The following CDNF variants were observed in gnomAD, a reference collection of about 807,000 sequenced individuals.
CDNF encodes the protein ARMET-like protein 1.
Under a neutral mutation model 14.8 loss-of-function variants are expected in CDNF, and 9 were observed. The observed-to-expected ratio is 0.61, with a 90% CI of 0.37 to 1.06. The LOEUF is 1.06. CDNF is among the 50% of genes least tolerant of loss of function. The pLI is 0.01. For missense variants in CDNF, 228 were observed against 228.4 expected (o/e 1.00, Z 0.01); for synonymous variants, 86 against 87.2 (o/e 0.99, Z 0.07).
In CDNF at chr10:14,824,593, G is replaced by A. The variant is rs542981057; in HGVS notation, c.385+886C>T. Among the ~76,000 whole-genome samples, 880 of 136,822 alleles carry A rather than the reference G, an allele frequency of 6.4e-3. 6 individuals carry two copies. The highest frequency in any genetic ancestry group is 0.016 in the Admixed American group (207 of 13,130). 89.8% of individuals were successfully genotyped at this position (136,822 alleles called of 152,430 possible). ...TGCACTCCAGCCTGGGTGATAGAGC[G>A]AGACTTCCCCTCAAAAAAAAAAAAA... On this transcript the variant is annotated intron_variant, in intron 3 of 3. Transcript: ENST00000465530.
At chr10:14,836,703 G>A (rs1011978535) in intron 1 of CDNF, among the ~76,000 whole-genome samples, 57 of 152,286 alleles carry the variant, frequency 3.7e-4, no homozygotes, top group African/African-American at 1.2e-3. Context: ...AGGCTGAGGC[G>A]GGCCGATCAC....
intron 1 of CDNF, among the ~76,000 whole-genome samples, chr10:14,828,936 G>A (rs1203446765): frequency 4.0e-5 from 6 of 151,820 alleles, no homozygotes. Context: ...GAGGTGGGAG[G>A]GTCACTTAAG....
intron 1 of CDNF, among the ~76,000 whole-genome samples, chr10:14,832,122 G>A (rs774608496): frequency 6.6e-6 from 1 of 152,204 alleles, no homozygotes; most frequent in Non-Finnish European, 1.5e-5. Context: ...CAAGGTAATA[G>A]TACGATTCTT....
chr10:14,819,932 G>A lies in CDNF; in HGVS notation c.*48C>T. 3 of 1,555,252 alleles carry A rather than the reference G, an allele frequency of 1.9e-6. No individual in the cohort carries two copies. Among genetic ancestry groups the A allele is most frequent in the Non-Finnish European group, 2.6e-6 (3 of 1,138,790 alleles). ...AATCAACATGTCCATATCCTAGAGA[G>A]TCACTTTTCTCTCTAATTACAAGTC... is the stretch of plus-strand genomic sequence containing the variant. On this transcript the variant is annotated 3_prime_UTR_variant, in exon 4 of 4. Coordinates refer to ENST00000465530, the MANE Select transcript of CDNF (RefSeq NM_001029954.3).
In CDNF at chr10:14,826,044, A is replaced by G. The variant is rs1190165244; in HGVS notation, c.244-424T>C. Among the ~76,000 whole-genome samples the G allele has an allele frequency of 3.6e-3, 408 of 111,788 alleles. 2 individuals are homozygous for G. The highest frequency in any genetic ancestry group is 0.024 in the South Asian group (67 of 2,772). 73.3% of individuals were successfully genotyped at this position (111,788 alleles called of 152,430 possible). On this transcript the variant is annotated intron_variant, in intron 2 of 3. Transcript: ENST00000465530. Reference sequence around the variant, plus strand: ...GAAGAAGAAGGAGAAGAAGAAGAAGAAGAAGAAGAAGAAGAAGAAGAAGAA... The same window carrying G: ...GAAGAAGAAGGAGAAGAAGAAGAAGGAGAAGAAGAAGAAGAAGAAGAAGAA...
chr10:14,828,507 C>CATG (rs1833818063), intron 1 of CDNF, among the ~76,000 whole-genome samples: 2 of 152,046 alleles, frequency 1.3e-5, no homozygotes, highest in South Asian at 4.2e-4. Context: ...ATTAGCCAGG[C>CATG]ATGGTGGCGC....
intron 1 of CDNF, among the ~76,000 whole-genome samples, chr10:14,830,618 A>T (rs1163556723): frequency 6.6e-6 from 1 of 152,070 alleles, no homozygotes; most frequent in East Asian, 1.9e-4. Context: ...GGCCAAGGTG[A>T]GTGGATCACC....
chr10:14,826,122 CAGAAGCAGGAGA>C (rs1256304023), intron 2 of CDNF, among the ~76,000 whole-genome samples: 1 of 123,530 alleles, frequency 8.1e-6, no homozygotes, highest in Non-Finnish European at 1.6e-5. Flanking sequence ...GCAGCAGCAG[CAGAAGCAGGAGA>C]AGGAGAAGGA....
rs1263800237 is a variant in CDNF, at chr10:14,826,182, A to C, written c.244-562T>G. 2.0e-4 allele frequency among the ~76,000 whole-genome samples: 26 copies of C among 129,914 alleles called. 1 individual carries two copies. The highest frequency in any genetic ancestry group is 7.2e-4 in the African/African-American group (22 of 30,352). The allele number at this position is 129,914 out of a possible 152,430, so 85.2% of individuals were successfully genotyped here. On this transcript the variant is annotated intron_variant, in intron 2 of 3. Coordinates refer to ENST00000465530, the MANE Select transcript of CDNF (RefSeq NM_001029954.3). ...GAAGAAGAAGCAGAAGCAGCAGCAG[A>C]AGCAGAAGCAGCAGAAGAAGAAGAA...
intron 3 of CDNF, among the ~76,000 whole-genome samples, chr10:14,824,745 T>C (rs112258621): frequency 0.014 from 2,198 of 152,170 alleles, 62 homozygotes; most frequent in African/African-American, 0.049. Flanking sequence ...GCTGGCAGAA[T>C]GGTAGCTCTG....
rs193073128 is a variant in CDNF at position 14,828,955 on chromosome 10, A to T, written c.116-683T>A. Among the ~76,000 whole-genome samples the T allele has an allele frequency of 2.1e-4, 32 of 152,092 alleles. No homozygotes were observed. In the East Asian group the frequency reaches 5.8e-3, roughly 28 times the overall value. On this transcript the variant is annotated intron_variant, in intron 1 of 3. Transcript: ENST00000465530. ...TGGGAGGGTCACTTAAGCCCGGCAG[A>T]TGGAGGCTGCAGTGAGCTATGATCA...
chr10:14,819,943 C>T lies in CDNF; in HGVS notation c.*37G>A. ...CCATATCCTAGAGAGTCACTTTTCT[C>T]TCTAATTACAAGTCACAAATGTGCT... On this transcript the variant is annotated 3_prime_UTR_variant, in exon 4 of 4. Coordinates refer to ENST00000465530, the MANE Select transcript of CDNF (RefSeq NM_001029954.3). 1.3e-6 allele frequency: 2 copies of T among 1,588,838 alleles called. No individual in the cohort carries two copies. Among genetic ancestry groups the T allele is most frequent in the Non-Finnish European group, 1.7e-6 (2 of 1,165,748 alleles).
chr10:14,826,670 A>G (rs532586784), intron 2 of CDNF, among the ~76,000 whole-genome samples: 1 of 152,228 alleles, frequency 6.6e-6, no homozygotes, highest in Non-Finnish European at 1.5e-5. Flanking sequence ...AGCTGACACT[A>G]AGTGTTTTCT....
At position 14,820,058 on chromosome 10, in the gene CDNF, T is replaced by C. The variant is rs2131620248; in HGVS notation, c.486A>G (p.Ala162=). Residue 162 remains alanine (A), a synonymous_variant, in exon 4 of 4, where the codon GCA becomes GCG. Coordinates refer to ENST00000465530, the MANE Select transcript of CDNF (RefSeq NM_001029954.3). Reference sequence around the variant, plus strand: ...TGAGATTCACATAGTCAGTTTTTTCTGCACAGGCCCTGCACTCCTCCCCCC... The same window carrying C: ...TGAGATTCACATAGTCAGTTTTTTCCGCACAGGCCCTGCACTCCTCCCCCC... ...HSWGEECRAC[A]EKTDYVNLIQ... is the part of the protein sequence containing the mutation. The C allele has an allele frequency of 6.2e-7, 1 of 1,614,176 alleles. No homozygotes were observed.
intron 1 of CDNF, among the ~76,000 whole-genome samples, chr10:14,833,139 A>G (rs113960109): frequency 0.014 from 2,132 of 152,222 alleles, 59 homozygotes; most frequent in African/African-American, 0.048. Context: ...GATTACAGGC[A>G]TGAGCCACCA....
At chr10:14,834,238 G>T (rs1441539876) in intron 1 of CDNF, 1 of 152,144 alleles carries the variant, frequency 6.6e-6, no homozygotes, top group Admixed American at 6.5e-5. Context: ...CTACTCAGGA[G>T]GCTGAGGAGG....
intron 3 of CDNF, among the ~76,000 whole-genome samples, chr10:14,825,237 TGAGCCACCG>T: frequency 6.6e-6 from 1 of 152,218 alleles, no homozygotes; most frequent in South Asian, 2.1e-4. Context: ...ATGAAAGGCC[TGAGCCACCG>T]CGCCAGGCCT....
chr10:14,821,837 C>T (rs1030588848), intron 3 of CDNF, among the ~76,000 whole-genome samples: 5 of 152,166 alleles, frequency 3.3e-5, no homozygotes, highest in Non-Finnish European at 5.9e-5. Flanking sequence ...AAAAGGCAAT[C>T]GGTTCCTTTG....
intron 2 of CDNF, among the ~76,000 whole-genome samples, chr10:14,827,836 G>A (rs950585565): frequency 1.3e-5 from 2 of 152,144 alleles, no homozygotes; most frequent in African/African-American, 4.8e-5. Context: ...AGGTTGCAGT[G>A]AGCTGAGATG....
Sources: allele counts gnomAD v4.1 joint callset (sites outside exome capture counted in the v4.1 genomes callset), GRCh38; gene constraint gnomAD v4.1.1; transcripts MANE v1.5; gene names NCBI Gene and HGNC (gene_info 2026-07-23, HGNC 2026-07-21).